The following MYO16 variants were observed in gnomAD, a reference collection of about 807,000 sequenced individuals.
The protein encoded by MYO16 is myosin XVI.
A neutral mutation model predicts 205.3 loss-of-function variants in MYO16; 94 were observed. The observed-to-expected ratio is 0.46, with a 90% confidence interval of 0.39 to 0.54. The LOEUF (loss-of-function observed/expected upper bound fraction) is 0.54. MYO16 is among the 20% of genes least tolerant of loss of function. The pLI is 0.00. For synonymous variants in MYO16, 988 were observed against 954.0 expected (o/e 1.04, Z -0.66); for missense variants, 2,315 against 2,387.5 (o/e 0.97, Z 0.63).
intron 27 of MYO16, among the ~76,000 whole-genome samples, chr13:109,057,708 T>C (rs1214756549): frequency 4.6e-5 from 7 of 151,854 alleles, no homozygotes; most frequent in Non-Finnish European, 1.0e-4. Context: ...TAAGTGTAGA[T>C]GGCCTTTGGT....
At chr13:108,597,179 C>A (rs74600179) in intron 1 of MYO16, among the ~76,000 whole-genome samples, 5,515 of 152,118 alleles carry the variant, frequency 0.036, 320 homozygotes, top group African/African-American at 0.12. Flanking sequence ...TACATGCTTA[C>A]AACAAACTCA....
rs1055199903 is a variant in MYO16 at position 108,996,111 on chromosome 13, T to G, written c.2442+3663T>G. Among the ~76,000 whole-genome samples the G allele has an allele frequency of 3.0e-4, 46 of 152,238 alleles. 1 individual carries two copies. The highest frequency in any genetic ancestry group is 2.7e-3 in the Admixed American group (41 of 15,280). On this transcript the variant is annotated intron_variant, in intron 21 of 34. Transcript: ENST00000457511. ...ATACCCAAAGGATTATAAATCATGC[T>G]GCTATAAAGACACATGCACATGTAT...
chr13:109,139,914 T>C (rs1382793101), intron 31 of MYO16, among the ~76,000 whole-genome samples: 1 of 151,972 alleles, frequency 6.6e-6, no homozygotes. Flanking sequence ...TTTTTAACTT[T>C]TTGCTTTCTC....
intron 27 of MYO16, among the ~76,000 whole-genome samples, chr13:109,081,896 T>C (rs1198366076): frequency 6.6e-6 from 1 of 152,208 alleles, no homozygotes; most frequent in Non-Finnish European, 1.5e-5. Context: ...GATCAGGGGT[T>C]GGCAAACTTC....
the MYO16 span, among the ~76,000 whole-genome samples, chr13:108,582,357 C>T: frequency 7.9e-5 from 12 of 151,946 alleles, no homozygotes; most frequent in African/African-American, 1.7e-4. Flanking sequence ...GAGTTCAGTC[C>T]GTTCCATATG....
intron 1 of MYO16, among the ~76,000 whole-genome samples, chr13:108,620,175 T>C (rs1879488760): frequency 6.6e-6 from 1 of 152,180 alleles, no homozygotes; most frequent in Non-Finnish European, 1.5e-5. Context: ...GAATAATGCT[T>C]ACCACATAAT....
chr13:108,511,129 G>A, the MYO16 span, among the ~76,000 whole-genome samples: 1 of 65,622 alleles, frequency 1.5e-5, no homozygotes, highest in Non-Finnish European at 2.9e-5. Flanking sequence ...ATCCTCTCCA[G>A]CACCTGTTGT....
chr13:109,139,801 A>G (rs1014029700), intron 31 of MYO16, among the ~76,000 whole-genome samples: 2 of 151,718 alleles, frequency 1.3e-5, no homozygotes. Flanking sequence ...AGATAACACA[A>G]GTAGTTTAGG....
chr13:108,679,351 T>C (rs1477091019), intron 2 of MYO16, among the ~76,000 whole-genome samples: 2 of 152,164 alleles, frequency 1.3e-5, no homozygotes, highest in Non-Finnish European at 2.9e-5. Context: ...AAATTCTTTA[T>C]TTCCTTGATT....
At chr13:108,567,549 A>G in the MYO16 span, among the ~76,000 whole-genome samples, 2 of 152,190 alleles carry the variant, frequency 1.3e-5, no homozygotes, top group Admixed American at 1.3e-4. Flanking sequence ...TAACAGAACC[A>G]CAAAGAGGAT....
chr13:108,632,466 C>T (rs937783571), intron 1 of MYO16, among the ~76,000 whole-genome samples: 3 of 152,044 alleles, frequency 2.0e-5, no homozygotes, highest in Non-Finnish European at 1.5e-5. Flanking sequence ...TGCTGGGTGA[C>T]CAATAGCTAA....
At chr13:108,718,634 T>C (rs1309408148) in intron 3 of MYO16, among the ~76,000 whole-genome samples, 1 of 151,974 alleles carries the variant, frequency 6.6e-6, no homozygotes, top group East Asian at 2.0e-4. Flanking sequence ...GGGTGCTGCC[T>C]GTCGCTGGCA....
intron 4 of MYO16, among the ~76,000 whole-genome samples, chr13:108,781,828 T>C (rs1446356530): frequency 6.6e-6 from 1 of 152,054 alleles, no homozygotes; most frequent in African/African-American, 2.4e-5. Context: ...ATTTGATGGG[T>C]TTATCAGGGA....
chr13:108,881,188 G>A (rs540754876), intron 12 of MYO16, among the ~76,000 whole-genome samples: 11 of 152,172 alleles, frequency 7.2e-5, no homozygotes, highest in Middle Eastern at 3.2e-3. Context: ...GGTCTGGAGT[G>A]GACCTCCAGC....
intron 34 of MYO16, among the ~76,000 whole-genome samples, chr13:109,180,310 C>G (rs186628630): frequency 6.6e-6 from 1 of 152,264 alleles, no homozygotes; most frequent in African/African-American, 2.4e-5. Flanking sequence ...ATAGAATGTA[C>G]TGTTTTATTT....
chr13:108,774,823 A>G (rs1184541252), intron 4 of MYO16, among the ~76,000 whole-genome samples: 1 of 152,192 alleles, frequency 6.6e-6, no homozygotes, highest in Non-Finnish European at 1.5e-5. Flanking sequence ...CCAAATATCA[A>G]TATGTTCTCT....
intron 16 of MYO16, among the ~76,000 whole-genome samples, chr13:108,923,088 A>C (rs1487165903): frequency 6.6e-6 from 1 of 152,184 alleles, no homozygotes; most frequent in East Asian, 1.9e-4. Context: ...CTGATTCGTA[A>C]AAACAGGTGA....
Position 108,685,772 on chromosome 13 carries a change from T to A in MYO16, c.292+19623T>A, listed in dbSNP as rs1594208407. On this transcript the variant is annotated intron_variant, in intron 2 of 34. Coordinates refer to ENST00000457511, the MANE Select transcript of MYO16 (RefSeq NM_001198950.3). ...AGATCTAGGTGCCATGTCAGGAAGT[T>A]TGGTTTCTTCTGAGACCTGTGTCCT... is the stretch of plus-strand genomic sequence containing the variant. Among the ~76,000 whole-genome samples, 4 of 152,248 alleles carry A rather than the reference T, an allele frequency of 2.6e-5. No homozygotes were observed. In the South Asian group the frequency reaches 8.3e-4, roughly 32 times the overall value.
At chr13:108,898,200 G>C (rs1880523717) in intron 15 of MYO16, 67 bp downstream of exon 15, 1 of 1,186,496 alleles carries the variant, frequency 8.4e-7, no homozygotes, top group African/African-American at 1.5e-5. Context: ...TCACACACAG[G>C]CACGCTATGG....
Sources: allele counts gnomAD v4.1 joint callset (sites outside exome capture counted in the v4.1 genomes callset), GRCh38; gene constraint gnomAD v4.1.1; transcripts MANE v1.5; gene names NCBI Gene and HGNC (gene_info 2026-07-23, HGNC 2026-07-21).